Variants in GABRA2 observed in about 807,000 individuals in gnomAD.
GABRA2 encodes gamma-aminobutyric acid receptor subunit alpha-2.
Under a neutral mutation model 48.7 loss-of-function variants are expected in GABRA2, and 16 were observed. The ratio of observed to expected loss-of-function variants is 0.33; its 90% confidence interval spans 0.22 to 0.50. The LOEUF (loss-of-function observed/expected upper bound fraction) is 0.50. Among genes scored for constraint, GABRA2 ranks in the 20% least tolerant of loss-of-function variants. The pLI is 0.98. For missense variants in GABRA2, 275 were observed against 535.6 expected (o/e 0.51, Z 4.80); for synonymous variants, 185 against 184.5 (o/e 1.00, Z -0.02).
intron 3 of GABRA2, among the ~76,000 whole-genome samples, chr4:46,348,281 G>A (rs555183235): frequency 1.3e-5 from 2 of 152,082 alleles, no homozygotes; most frequent in South Asian, 4.2e-4. Context: ...AACAACAGGT[G>A]CTGGAGAGGA....
At chr4:46,271,501 G>A (rs1037649067) in intron 8 of GABRA2, among the ~76,000 whole-genome samples, 2 of 151,892 alleles carry the variant, frequency 1.3e-5, no homozygotes, top group African/African-American at 4.8e-5. Context: ...TCAGCATACT[G>A]TAAAAGGTTA....
chr4:46,351,603 T>A (rs1735139796), intron 3 of GABRA2, among the ~76,000 whole-genome samples: 2 of 151,924 alleles, frequency 1.3e-5, no homozygotes, highest in Admixed American at 6.6e-5. Flanking sequence ...ACAGACAAAA[T>A]TTTTAAAAGA....
chr4:46,372,641 C>T (rs1715073956), intron 3 of GABRA2, among the ~76,000 whole-genome samples: 1 of 152,158 alleles, frequency 6.6e-6, no homozygotes, highest in Non-Finnish European at 1.5e-5. Context: ...GCAAACACAT[C>T]CCTAAATGAT....
intron 8 of GABRA2, among the ~76,000 whole-genome samples, chr4:46,296,113 C>A (rs1560491554): frequency 6.6e-6 from 1 of 152,068 alleles, no homozygotes; most frequent in East Asian, 1.9e-4. Context: ...AGGGCTGGGG[C>A]AAAGTTCTCC....
At chr4:46,288,480 A>T (rs1038248118) in intron 8 of GABRA2, among the ~76,000 whole-genome samples, 2 of 152,214 alleles carry the variant, frequency 1.3e-5, no homozygotes. Flanking sequence ...TTCCCCATTA[A>T]ATAAATTGTG....
intron 3 of GABRA2, among the ~76,000 whole-genome samples, chr4:46,361,765 T>C (rs1306809676): frequency 6.6e-6 from 1 of 152,210 alleles, no homozygotes; most frequent in Non-Finnish European, 1.5e-5. Context: ...TACAAGGCCA[T>C]GGGCCGAGCT....
At chr4:46,387,655 C>T (rs2109384873) in intron 2 of GABRA2, among the ~76,000 whole-genome samples, 1 of 152,140 alleles carries the variant, frequency 6.6e-6, no homozygotes, top group East Asian at 1.9e-4. Flanking sequence ...TTTCTCAAAT[C>T]AATATGTAGT....
chr4:46,339,023 C>T (rs1732748449), intron 3 of GABRA2, among the ~76,000 whole-genome samples: 1 of 151,716 alleles, frequency 6.6e-6, no homozygotes, highest in Non-Finnish European at 1.5e-5. Context: ...GTATATAGTT[C>T]CCAACACAAT....
chr4:46,369,729 A>T (rs1271819046), intron 3 of GABRA2, among the ~76,000 whole-genome samples: 1 of 152,120 alleles, frequency 6.6e-6, no homozygotes, highest in Non-Finnish European at 1.5e-5. Flanking sequence ...CAGAGTCATA[A>T]GTCTTTGTAT....
chr4:46,346,928 C>T (rs555323471), intron 3 of GABRA2, among the ~76,000 whole-genome samples: 1 of 151,938 alleles, frequency 6.6e-6, no homozygotes, highest in East Asian at 1.9e-4. Context: ...TTAATTAAAG[C>T]TGCAAACTAC....
At chr4:46,256,962 A>G (rs1393756201) in intron 9 of GABRA2, among the ~76,000 whole-genome samples, 3 of 151,590 alleles carry the variant, frequency 2.0e-5, no homozygotes, top group Non-Finnish European at 4.4e-5. Flanking sequence ...GCCAGTTTGG[A>G]CTCACTGACT....
Position 46,262,146 on chromosome 4 carries a change from G to C in GABRA2, c.857-18C>G. 4 of 1,610,274 alleles carry C rather than the reference G, an allele frequency of 2.5e-6. No homozygotes were observed. The highest frequency in any genetic ancestry group is 3.4e-6 in the Non-Finnish European group (4 of 1,176,984). On this transcript the variant is annotated intron_variant, in intron 8 of 9. Transcript: ENST00000381620. ...TGTTACTCCTGCAAAAGAAAAGATA[G>C]GAATCGAAAACATCAATAGGTACTA...
chr4:46,332,663 GA>G lies in GABRA2; in HGVS notation c.206del (p.Phe69SerfsTer6). 1 of 1,586,962 alleles carries G rather than the reference GA, an allele frequency of 6.3e-7. No individual in the cohort carries two copies. The highest frequency in any genetic ancestry group is 8.7e-7 in the Non-Finnish European group (1 of 1,155,638). On this transcript the variant is annotated frameshift_variant, in exon 4 of 10. Transcript: ENST00000381620. LOFTEE classifies it high-confidence loss of function. ...CAAAACTGGTCACGTAGATGTTAGT[GA>G]AGACTTCAGTAATACTGTCTAATAT... is the stretch of plus-strand genomic sequence containing the variant. ...PGLGDSITEV[F>X]TNIYVTSFGP...
intron 4 of GABRA2, among the ~76,000 whole-genome samples, chr4:46,324,775 G>T (rs1046245739): frequency 3.3e-5 from 5 of 151,178 alleles, no homozygotes; most frequent in Non-Finnish European, 7.4e-5. Flanking sequence ...CTGTCTATGT[G>T]TACTTGATGT....
chr4:46,382,023 G>A (rs1180130838), intron 3 of GABRA2, among the ~76,000 whole-genome samples: 1 of 152,074 alleles, frequency 6.6e-6, no homozygotes, highest in South Asian at 2.1e-4. Flanking sequence ...TGCTTACTAT[G>A]TGCCAGGCAC....
intron 4 of GABRA2, among the ~76,000 whole-genome samples, chr4:46,328,114 T>C (rs1432326555): frequency 6.6e-6 from 1 of 152,050 alleles, no homozygotes; most frequent in Non-Finnish European, 1.5e-5. Context: ...TGGTCAATTG[T>C]GAGCTACTAA....
intron 4 of GABRA2, among the ~76,000 whole-genome samples, chr4:46,329,242 C>G (rs972830829): frequency 3.9e-5 from 6 of 152,004 alleles, no homozygotes; most frequent in African/African-American, 1.2e-4. Context: ...CTGATGGATC[C>G]TATAAATACT....
intron 7 of GABRA2, among the ~76,000 whole-genome samples, chr4:46,304,953 A>C (rs1364172430): frequency 6.6e-6 from 1 of 150,436 alleles, no homozygotes; most frequent in Non-Finnish European, 1.5e-5. Flanking sequence ...ATCATTTGTC[A>C]GAAGGTAAAA....
intron 9 of GABRA2, chr4:46,256,289 T>C (rs2109327660): frequency 1.4e-6 from 1 of 696,462 alleles, no homozygotes; most frequent in South Asian, 1.5e-5. Flanking sequence ...AGCTATATAC[T>C]TGGACCATAT....
Sources: gnomAD v4.1 joint callset for allele counts (sites outside exome capture counted in the v4.1 genomes callset) on GRCh38, gnomAD v4.1.1 for gene constraint, MANE v1.5 for transcripts, NCBI Gene and HGNC (gene_info 2026-07-23, HGNC 2026-07-21) for gene names.